Variants in PCDHGA1 observed in about 807,000 individuals in gnomAD.
PCDHGA1 encodes the protein protocadherin gamma-A1.
In PCDHGA1, 32 loss-of-function variants were observed where a neutral mutation model predicts 58.0. That is an observed-to-expected ratio of 0.55 (90% CI 0.42 to 0.74). The LOEUF (loss-of-function observed/expected upper bound fraction) is 0.74, where lower values mean the gene tolerates loss of function less well. PCDHGA1 is among the 30% of genes least tolerant of loss of function. The pLI, the probability that PCDHGA1 is intolerant of heterozygous loss-of-function variation, is 0.00. For synonymous variants in PCDHGA1, 498 were observed against 501.1 expected, an observed-to-expected ratio of 0.99 and a Z score of 0.08; for missense variants, 1,205 against 1,182.3, an observed-to-expected ratio of 1.02 and a Z score of -0.28.
chr5:141,350,818 T>C, intron 1 of PCDHGA1: 1 of 1,614,010 alleles, frequency 6.2e-7, no homozygotes, highest in Non-Finnish European at 8.5e-7. Context: ...CTGATGGAAG[T>C]AAATATCCGG....
chr5:141,359,993 C>T (rs1761386380), intron 1 of PCDHGA1: 1 of 1,050,006 alleles, frequency 9.5e-7, no homozygotes, highest in Admixed American at 3.2e-5. Flanking sequence ...AGGGGAACTT[C>T]CTGCACAAAC....
chr5:141,384,340 A>C (rs970369905), intron 1 of PCDHGA1: 6 of 1,613,856 alleles, frequency 3.7e-6, no homozygotes, highest in South Asian at 1.1e-5. Context: ...GGACCACGAC[A>C]GTGAGGATAA....
Position 141,423,257 on chromosome 5 carries a change from G to T in PCDHGA1, c.2422-71550G>T, listed in dbSNP as rs1412429501. ...ATCCCCGAAGTCCTGGCGGACCTCG[G>T]CAGCCTCGAGTCTCTGGCTAACTCT... On this transcript the variant is annotated intron_variant, in intron 1 of 3. Transcript: ENST00000517417. The T allele has an allele frequency of 8.7e-6, 14 of 1,613,946 alleles. No individual in the cohort carries two copies. The highest frequency in any genetic ancestry group is 1.3e-5 in the African/African-American group (1 of 75,060).
chr5:141,448,788 A>C (rs865953914), intron 1 of PCDHGA1, among the ~76,000 whole-genome samples: 3 of 151,964 alleles, frequency 2.0e-5, no homozygotes, highest in South Asian at 2.1e-4. Flanking sequence ...AAAATACAAA[A>C]AAAAAAATTA....
At chr5:141,404,914 C>G (rs1423848318) in intron 1 of PCDHGA1, 1 of 1,613,830 alleles carries the variant, frequency 6.2e-7, no homozygotes, top group Non-Finnish European at 8.5e-7. Flanking sequence ...AGCCCCCTCT[C>G]TCGGCCACTG....
chr5:141,377,906 C>T (rs777974750), intron 1 of PCDHGA1: 1 of 152,280 alleles, frequency 6.6e-6, no homozygotes, highest in Non-Finnish European at 1.5e-5. Context: ...GTTGCCCAGT[C>T]TGGAGTAAAA....
At chr5:141,375,379 G>A in intron 1 of PCDHGA1, 1 of 1,613,912 alleles carries the variant, frequency 6.2e-7, no homozygotes, top group Non-Finnish European at 8.5e-7. Context: ...CACCACCTCT[G>A]TCTACAGAAA....
Position 141,351,165 on chromosome 5 carries a change from C to T in PCDHGA1, c.2421+18060C>T, listed in dbSNP as rs1236569815. ...ACTGGCGACATCACAACCAATGGCA[C>T]ATTGGATTTTGAAGAGACAAGTAGA... On this transcript the variant is annotated intron_variant, in intron 1 of 3. Coordinates refer to ENST00000517417, the MANE Select transcript of PCDHGA1 (RefSeq NM_018912.3). 3 of 1,613,988 alleles carry T rather than the reference C, an allele frequency of 1.9e-6. No individual in the cohort carries two copies. In the South Asian group the frequency reaches 3.3e-5, roughly 18 times the overall value.
chr5:141,383,445 G>T (rs1779137475), intron 1 of PCDHGA1: 1 of 1,613,958 alleles, frequency 6.2e-7, no homozygotes, highest in East Asian at 2.2e-5. Flanking sequence ...CCCTGGCTGT[G>T]CAAAGTGGAG....
intron 1 of PCDHGA1, chr5:141,385,213 C>T (rs1481010729): frequency 1.7e-5 from 28 of 1,614,108 alleles, no homozygotes; most frequent in Non-Finnish European, 2.2e-5. Flanking sequence ...GATCTTCCCC[C>T]AGCCCAACTA....
At chr5:141,405,104 C>T in intron 1 of PCDHGA1, 1 of 1,613,940 alleles carries the variant, frequency 6.2e-7, no homozygotes, top group Non-Finnish European at 8.5e-7. Flanking sequence ...CAGGCTGAGG[C>T]ACTGGCACTC....
Position 141,332,155 on chromosome 5 carries a change from C to T in PCDHGA1, c.1471C>T (p.Leu491=), listed in dbSNP as rs765355268. 2 of 1,614,052 alleles carry T rather than the reference C, an allele frequency of 1.2e-6. No homozygotes were observed. The highest frequency in any genetic ancestry group is 2.7e-5 in the African/African-American group (2 of 74,932). The change falls in exon 1 of 4, where the codon CTA becomes TTA. Residue 491 remains leucine, a synonymous_variant. Coordinates refer to ENST00000517417, the MANE Select transcript of PCDHGA1 (RefSeq NM_018912.3). The surrounding 1 kb of genome is among the most constrained non-coding windows in gnomAD (Gnocchi z 4.6). ...TGAGAATGCACAAATCACTTACTCC[C>T]TAATAGAGGACACTATCCAGGGGGC... ...SNENAQITYS[L]IEDTIQGAPL...
chr5:141,393,727 A>C, intron 1 of PCDHGA1: 1 of 1,613,852 alleles, frequency 6.2e-7, no homozygotes, highest in Non-Finnish European at 8.5e-7. Flanking sequence ...TCAATAGCAA[A>C]AAGTCTAGAT....
At chr5:141,385,191 G>A (rs775228510) in intron 1 of PCDHGA1, 1 of 1,614,086 alleles carries the variant, frequency 6.2e-7, no homozygotes, top group African/African-American at 1.3e-5. Context: ...CGGACTCTCG[G>A]AAGAGTCACC....
At chr5:141,356,798 C>T (rs760196769) in intron 1 of PCDHGA1, 2 of 1,613,916 alleles carry the variant, frequency 1.2e-6, no homozygotes, top group Non-Finnish European at 8.5e-7. Context: ...CTGCTGATGA[C>T]AGCCAGTGAC....
intron 1 of PCDHGA1, chr5:141,344,897 C>T (rs1757488532): frequency 1.2e-6 from 2 of 1,613,718 alleles, no homozygotes; most frequent in Non-Finnish European, 1.7e-6. Context: ...CTGGGAAAAT[C>T]GCTGAGATTT....
intron 1 of PCDHGA1, chr5:141,375,368 A>G (rs774708513): frequency 1.9e-6 from 3 of 1,613,754 alleles, no homozygotes; most frequent in East Asian, 4.5e-5. Context: ...GGACAAAGGA[A>G]CACCACCTCT....
At chr5:141,409,828 C>G in intron 1 of PCDHGA1, 1 of 1,611,128 alleles carries the variant, frequency 6.2e-7, no homozygotes, top group Non-Finnish European at 8.5e-7. Flanking sequence ...CGCCCACGCT[C>G]AGCGCCAACG....
chr5:141,427,435 T>G, intron 1 of PCDHGA1: 1 of 474,160 alleles, frequency 2.1e-6, no homozygotes, highest in Non-Finnish European at 4.2e-6. Context: ...ACATGCCTCA[T>G]AAACGAAAGA....
Sources: gnomAD v4.1 joint callset for allele counts (sites outside exome capture counted in the v4.1 genomes callset) on GRCh38, gnomAD v4.1.1 for gene constraint, Gnocchi (gnomAD v3.1) non-coding constraint, MANE v1.5 for transcripts, NCBI Gene and HGNC (gene_info 2026-07-23, HGNC 2026-07-21) for gene names.